The following BTC variants were observed in gnomAD, a reference collection of about 807,000 sequenced individuals.
The protein encoded by BTC is probetacellulin.
A neutral mutation model predicts 18.1 loss-of-function variants in BTC; 13 were observed. That is an observed-to-expected ratio of 0.72 (90% CI 0.47 to 1.14). The LOEUF (loss-of-function observed/expected upper bound fraction) is 1.14. BTC is among the 50% of genes most tolerant of loss of function. The pLI is 0.00. For synonymous variants in BTC, 83 were observed against 79.4 expected, an observed-to-expected ratio of 1.05 and a Z score of -0.24; for missense variants, 247 against 224.2, an observed-to-expected ratio of 1.10 and a Z score of -0.65.
At chr4:74,759,714 ACT>A (rs1258741262) in intron 2 of BTC, among the ~76,000 whole-genome samples, 1 of 151,980 alleles carries the variant, frequency 6.6e-6, no homozygotes, top group Non-Finnish European at 1.5e-5. Context: ...TAAAAACCTA[ACT>A]CTAAGGGTTT....
intron 1 of BTC, among the ~76,000 whole-genome samples, chr4:74,785,738 T>C (rs762949186): frequency 4.6e-5 from 7 of 152,214 alleles, no homozygotes; most frequent in Non-Finnish European, 5.9e-5. Context: ...TATCATCTCA[T>C]ATCACTGTGG....
chr4:74,777,159 G>T (rs956785526), intron 1 of BTC, among the ~76,000 whole-genome samples: 1 of 152,140 alleles, frequency 6.6e-6, no homozygotes, highest in African/African-American at 2.4e-5. Flanking sequence ...TACCTTTTAT[G>T]CACGAGATTT....
At chr4:74,774,581 G>T (rs1725128196) in intron 1 of BTC, among the ~76,000 whole-genome samples, 1 of 145,440 alleles carries the variant, frequency 6.9e-6, no homozygotes, top group African/African-American at 2.8e-5. Context: ...TAGTTAACCA[G>T]GGCATTCTTT....
intron 4 of BTC, among the ~76,000 whole-genome samples, chr4:74,749,074 C>T (rs1237900912): frequency 2.0e-5 from 3 of 152,042 alleles, no homozygotes; most frequent in African/African-American, 4.8e-5. Flanking sequence ...AATAAAAGTT[C>T]ATAGTTGTTA....
chr4:74,755,791 TCCTGGC>T (rs1724580099), intron 3 of BTC, 62 bp downstream of exon 3: 1 of 1,427,544 alleles, frequency 7.0e-7, no homozygotes, highest in Non-Finnish European at 9.8e-7. Flanking sequence ...CACTTTCCAG[TCCTGGC>T]AAGACCCAGG....
intron 1 of BTC, among the ~76,000 whole-genome samples, chr4:74,781,599 G>A (rs747270013): frequency 1.3e-5 from 2 of 151,740 alleles, no homozygotes; most frequent in South Asian, 2.1e-4. Context: ...TTGGCTTCCT[G>A]GCTTATTCTC....
chr4:74,755,771 G>T, intron 3 of BTC, 88 bp downstream of exon 3: 3 of 1,240,196 alleles, frequency 2.4e-6, no homozygotes, highest in Admixed American at 3.6e-5. Flanking sequence ...CAGATGGCAT[G>T]GTTAGCTCAC....
At chr4:74,755,506 A>T (rs1437732959) in intron 3 of BTC, among the ~76,000 whole-genome samples, 3 of 152,230 alleles carry the variant, frequency 2.0e-5, no homozygotes, top group African/African-American at 7.2e-5. Context: ...TCGTATTTAC[A>T]CTAACTATAA....
intron 2 of BTC, among the ~76,000 whole-genome samples, chr4:74,761,461 T>A (rs1179241203): frequency 6.6e-6 from 1 of 152,186 alleles, no homozygotes; most frequent in Non-Finnish European, 1.5e-5. Context: ...TTAGTTTACA[T>A]CCTAGTTTAC....
Position 74,748,426 on chromosome 4 carries a change from C to T in BTC, c.429-277G>A, listed in dbSNP as rs186945174. On this transcript the variant is annotated intron_variant, in intron 4 of 5. Transcript: ENST00000395743. ...TGGTGGGCGCCTGTAGTCCCAGCTA[C>T]TCGGGAGGCTGAGGCAGGAGAATGG... 1.0e-3 allele frequency among the ~76,000 whole-genome samples: 153 copies of T among 152,040 alleles called. 1 individual carries two copies. The highest frequency in any genetic ancestry group is 4.6e-3 in the Admixed American group (71 of 15,272).
At chr4:74,771,864 T>A (rs1464005890) in intron 1 of BTC, among the ~76,000 whole-genome samples, 1 of 152,186 alleles carries the variant, frequency 6.6e-6, no homozygotes, top group African/African-American at 2.4e-5. Flanking sequence ...ATAAAGAGAT[T>A]TAGCTGCAAA....
intron 3 of BTC, among the ~76,000 whole-genome samples, chr4:74,751,022 GA>G (rs1159310841): frequency 6.6e-6 from 1 of 152,090 alleles, no homozygotes; most frequent in African/African-American, 2.4e-5. Context: ...AGGAAAGGAG[GA>G]TAAAATTCCC....
Position 74,759,131 on chromosome 4 carries a change from G to A in BTC, c.164-3155C>T, listed in dbSNP as rs185593722. 2.3e-4 allele frequency among the ~76,000 whole-genome samples: 35 copies of A among 152,102 alleles called. No individual in the cohort carries two copies. In the East Asian group the frequency reaches 3.3e-3, roughly 14 times the overall value. On this transcript the variant is annotated intron_variant, in intron 2 of 5. Coordinates refer to ENST00000395743, the MANE Select transcript of BTC (RefSeq NM_001729.4). Reference sequence around the variant, plus strand: ...TAAATATTGAACTATGGAACCCAGCGTTTTCTGCCCATCATGAGACCTGAT... The same window carrying A: ...TAAATATTGAACTATGGAACCCAGCATTTTCTGCCCATCATGAGACCTGAT...
intron 1 of BTC, among the ~76,000 whole-genome samples, chr4:74,783,708 G>T (rs1236346582): frequency 1.3e-5 from 2 of 151,336 alleles, no homozygotes; most frequent in Non-Finnish European, 2.9e-5. Context: ...ACACTGGGCA[G>T]CATGACCATT....
At chr4:74,793,988 T>G (rs1018387745) in intron 1 of BTC, among the ~76,000 whole-genome samples, 2 of 150,042 alleles carry the variant, frequency 1.3e-5, no homozygotes, top group African/African-American at 4.9e-5. Flanking sequence ...GCTGGCGGCC[T>G]GCTCGCAGCA....
chr4:74,794,203 C>T (rs1269742484), intron 1 of BTC, 59 bp downstream of exon 1: 1 of 1,545,742 alleles, frequency 6.5e-7, no homozygotes, highest in South Asian at 1.2e-5. Context: ...GTTCGCCCTC[C>T]CCGCGACTCC....
intron 1 of BTC, 98 bp downstream of exon 1, chr4:74,794,164 C>T: frequency 1.4e-6 from 2 of 1,480,578 alleles, no homozygotes; most frequent in Admixed American, 2.0e-5. Context: ...CCAGCGCGCC[C>T]TCTTGTCCAG....
chr4:74,791,474 A>C (rs1205823245), intron 1 of BTC, among the ~76,000 whole-genome samples: 2 of 152,276 alleles, frequency 1.3e-5, no homozygotes, highest in Non-Finnish European at 2.9e-5. Flanking sequence ...AAATGCCTTT[A>C]AACAGTTTTA....
At chr4:74,746,778 A>G (rs1185342376) in intron 5 of BTC, 103 bp from the exon 6 acceptor site, 5 of 144,524 alleles carry the variant, frequency 3.5e-5, no homozygotes, top group African/African-American at 9.9e-5. Flanking sequence ...TTTCAATTCA[A>G]TAATGTTGTT....
Sources: allele counts gnomAD v4.1 joint callset (sites outside exome capture counted in the v4.1 genomes callset), GRCh38; gene constraint gnomAD v4.1.1; transcripts MANE v1.5; gene names NCBI Gene and HGNC (gene_info 2026-07-23, HGNC 2026-07-21).